ALDH1A3: variants seen among roughly 807,000 people sequenced by gnomAD.
The protein encoded by ALDH1A3 is retinaldehyde dehydrogenase 3.
Under a neutral mutation model 57.5 loss-of-function variants are expected in ALDH1A3, and 28 were observed. The ratio of observed to expected loss-of-function variants is 0.49; its 90% confidence interval spans 0.36 to 0.67. The LOEUF is 0.67. Among genes scored for constraint, ALDH1A3 ranks in the 30% least tolerant of loss-of-function variants. ALDH1A3 has a pLI of 0.00. For missense variants in ALDH1A3, 507 were observed against 669.4 expected (o/e 0.76, Z 2.68); for synonymous variants, 281 against 264.8 (o/e 1.06, Z -0.59).
chr15:100,883,938 G>A (rs576421471), intron 1 of ALDH1A3, among the ~76,000 whole-genome samples: 6 of 152,182 alleles, frequency 3.9e-5, no homozygotes, highest in Admixed American at 1.3e-4. Flanking sequence ...CTTGAGGGAC[G>A]CAATTCTTCC....
chr15:100,881,968 C>T (rs1224947285), intron 1 of ALDH1A3, among the ~76,000 whole-genome samples: 1 of 152,040 alleles, frequency 6.6e-6, no homozygotes, highest in Non-Finnish European at 1.5e-5. Flanking sequence ...GAGAGGCGGC[C>T]GAGAGTGAGG....
At chr15:100,881,555 AG>A (rs1375727821) in intron 1 of ALDH1A3, 1 of 152,142 alleles carries the variant, frequency 6.6e-6, no homozygotes, top group African/African-American at 2.4e-5. Context: ...ACATACAAAA[AG>A]TTTACCTCTT....
intron 7 of ALDH1A3, among the ~76,000 whole-genome samples, chr15:100,896,680 G>A (rs748656899): frequency 1.6e-4 from 25 of 152,124 alleles, no homozygotes; most frequent in Non-Finnish European, 2.5e-4. Context: ...AAAACTTTTC[G>A]ATTCAGAAGC....
At chr15:100,897,308 C>T (rs1026236268) in intron 7 of ALDH1A3, among the ~76,000 whole-genome samples, 2 of 152,252 alleles carry the variant, frequency 1.3e-5, no homozygotes, top group African/African-American at 4.8e-5. Context: ...TGGCTCTAGG[C>T]CTCCGTGTCT....
chr15:100,908,574 C>T (rs956284954), intron 12 of ALDH1A3, 92 bp downstream of exon 12: 5 of 1,164,608 alleles, frequency 4.3e-6, no homozygotes, highest in Admixed American at 1.7e-5. Context: ...TCTGCTGACA[C>T]CCCGTCCCCC....
In ALDH1A3 at chr15:100,892,063, G is replaced by A. The variant is rs28369514; in HGVS notation, c.346-447G>A. ...TACATCTTCTCTTTCTCTTTTGTTC[G>A]AGGAGGGCAGCTCCCACTGCAGCCA... On this transcript the variant is annotated intron_variant, in intron 3 of 12. Coordinates refer to ENST00000329841, the MANE Select transcript of ALDH1A3 (RefSeq NM_000693.4). 5.3e-3 allele frequency: 903 copies of A among 169,450 alleles called. 12 individuals are homozygous for A. The highest frequency in any genetic ancestry group is 0.023 in the East Asian group (123 of 5,290). The allele number at this position is 169,450 out of a possible 1,614,324, so 10.5% of individuals were successfully genotyped here.
chr15:100,893,826 T>G lies in ALDH1A3; in HGVS notation c.538-128T>G. 7.6e-7 allele frequency: 1 copy of G among 1,308,146 alleles called. No individual in the cohort carries two copies. Among genetic ancestry groups the G allele is most frequent in the Non-Finnish European group, 1.1e-6 (1 of 952,258 alleles). 81.0% of individuals were successfully genotyped at this position (1,308,146 alleles called of 1,614,324 possible). A position where few individuals can be genotyped will look rare whatever the true frequency, so the allele number is the denominator to read the frequency against. ...TGCAGTTCTGATCATTGCACACTCC[T>G]ATGTTACCCCACATACCCCAAATCC... On this transcript the variant is annotated intron_variant, in intron 5 of 12. Coordinates refer to ENST00000329841, the MANE Select transcript of ALDH1A3 (RefSeq NM_000693.4). The surrounding 1 kb of genome is among the most constrained non-coding windows in gnomAD (Gnocchi z 4.8).
intron 3 of ALDH1A3, chr15:100,892,247 T>G (rs187805199): frequency 1.4e-4 from 59 of 433,052 alleles, no homozygotes; most frequent in African/African-American, 1.2e-3. Context: ...CAAGGGGCCC[T>G]TCAAAGAGGG....
At chr15:100,908,885 G>T (rs2141572549) in intron 12 of ALDH1A3, among the ~76,000 whole-genome samples, 1 of 152,226 alleles carries the variant, frequency 6.6e-6, no homozygotes, top group East Asian at 1.9e-4. Context: ...CCCAGGTAAG[G>T]CTCCTACCTG....
At chr15:100,914,553 C>T (rs1046997223) in intron 12 of ALDH1A3, 148 bp from the exon 13 acceptor site, 12 of 649,720 alleles carry the variant, frequency 1.8e-5, no homozygotes, top group Non-Finnish European at 3.2e-5. Flanking sequence ...CTGTTATAGT[C>T]CTGGCTATTA....
At position 100,906,396 on chromosome 15, in the gene ALDH1A3, A is replaced by G. The variant is rs1241591799; in HGVS notation, c.1233+709A>G. Among the ~76,000 whole-genome samples, 2 of 152,140 alleles carry G rather than the reference A, an allele frequency of 1.3e-5. No homozygotes were observed. The highest frequency in any genetic ancestry group is 4.8e-5 in the African/African-American group (2 of 41,428). On this transcript the variant is annotated intron_variant, in intron 10 of 12. Transcript: ENST00000329841. This position sits in a 1 kb window ranked among gnomAD's most constrained non-coding sequence, Gnocchi z 4.8. ...CTGCCAAGGGCTTTCTGGGGCAGGT[A>G]TTTCAGAGGCGTCTTCCTTGAGATT...
chr15:100,908,579 T>TC (rs1477103002), intron 12 of ALDH1A3, 97 bp downstream of exon 12: 52 of 1,070,724 alleles, frequency 4.9e-5, no homozygotes, highest in Non-Finnish European at 5.4e-5. Flanking sequence ...TGACACCCCG[T>TC]CCCCCCCACA....
chr15:100,881,245 A>G (rs1037005630), intron 1 of ALDH1A3: 1 of 152,248 alleles, frequency 6.6e-6, no homozygotes, highest in Non-Finnish European at 1.5e-5. Flanking sequence ...CTCTGTAATC[A>G]ACAAAGACAC....
At chr15:100,891,734 G>A (rs2041652098) in intron 3 of ALDH1A3, among the ~76,000 whole-genome samples, 1 of 152,378 alleles carries the variant, frequency 6.6e-6, no homozygotes, top group South Asian at 2.1e-4. Flanking sequence ...TCCTGCAGAG[G>A]CGGATGACTG....
At chr15:100,891,036 C>T (rs1026221787) in intron 3 of ALDH1A3, among the ~76,000 whole-genome samples, 1 of 152,170 alleles carries the variant, frequency 6.6e-6, no homozygotes, top group Non-Finnish European at 1.5e-5. Context: ...CAACCCAGTG[C>T]GCTGTCTGGG....
In ALDH1A3 at chr15:100,885,372, G is replaced by C; in HGVS notation, c.204+1G>C. ...ATGTGAAGTGGAAGAAGGAGATAAG[G>C]TAAATACTTAAAATAAATTTGCTCT... is the stretch of plus-strand genomic sequence containing the variant. On this transcript the variant is annotated splice_donor_variant, in intron 2 of 12. Transcript: ENST00000329841. LOFTEE classifies it high-confidence loss of function. 6.3e-7 allele frequency: 1 copy of C among 1,596,134 alleles called. No homozygotes were observed. The highest frequency in any genetic ancestry group is 8.6e-7 in the Non-Finnish European group (1 of 1,163,850).
intron 8 of ALDH1A3, 79 bp downstream of exon 8, chr15:100,898,264 AAACC>A (rs2041730223): frequency 7.8e-7 from 1 of 1,288,106 alleles, no homozygotes; most frequent in African/African-American, 1.5e-5. Context: ...CCTGAATTCA[AAACC>A]AACTGAGAGT....
At chr15:100,902,541 A>G (rs934511346) in intron 9 of ALDH1A3, among the ~76,000 whole-genome samples, 1 of 152,210 alleles carries the variant, frequency 6.6e-6, no homozygotes, top group Non-Finnish European at 1.5e-5. Flanking sequence ...AAAATCATTC[A>G]GGTTTATTTG....
chr15:100,885,134 T>C (rs1220522656), intron 1 of ALDH1A3, 133 bp from the exon 2 acceptor site: 1 of 653,694 alleles, frequency 1.5e-6, no homozygotes, highest in African/African-American at 1.8e-5. Flanking sequence ...ATCTATAAGA[T>C]GTCGAAGGGG....
Sources: allele counts gnomAD v4.1 joint callset (sites outside exome capture counted in the v4.1 genomes callset), GRCh38; gene constraint gnomAD v4.1.1; non-coding constraint Gnocchi (gnomAD v3.1); transcripts MANE v1.5; gene names NCBI Gene and HGNC (gene_info 2026-07-23, HGNC 2026-07-21).